The following BANK1 variants were observed in gnomAD, a reference collection of about 807,000 sequenced individuals.
BANK1 encodes the protein B cell scaffold protein with ankyrin repeats 1.
A neutral mutation model predicts 94.5 loss-of-function variants in BANK1; 95 were observed. That is an observed-to-expected ratio of 1.00 (90% CI 0.85 to 1.19). BANK1 has a LOEUF of 1.19. Among genes scored for constraint, BANK1 ranks in the 50% most tolerant of loss-of-function variants. The probability of loss-of-function intolerance (pLI) is 0.00; values close to 1 mark genes in which losing one functional copy is unlikely to be tolerated. For missense variants in BANK1, 987 were observed against 932.2 expected (o/e 1.06, Z -0.77); for synonymous variants, 334 against 308.4 (o/e 1.08, Z -0.87).
At chr4:101,859,099 C>T (rs1233767071) in intron 3 of BANK1, among the ~76,000 whole-genome samples, 1 of 152,142 alleles carries the variant, frequency 6.6e-6, no homozygotes, top group African/African-American at 2.4e-5. Flanking sequence ...CTTCTGATAC[C>T]AAATCACAAA....
intron 7 of BANK1, among the ~76,000 whole-genome samples, chr4:101,992,897 T>A (rs562747467): frequency 6.6e-6 from 1 of 152,292 alleles, no homozygotes; most frequent in East Asian, 1.9e-4. Context: ...ACCAACTATC[T>A]CTGTCGCCCA....
chr4:101,954,904 G>A lies in BANK1; in HGVS notation c.1206+36715G>A, dbSNP rs75812788. ...AGGAACATTTTCCAAATTTTTGTTC[G>A]TTTTTCTCAGAGAGCAAGGTATGGC... On this transcript the variant is annotated intron_variant, in intron 7 of 16. Transcript: ENST00000322953. Among the ~76,000 whole-genome samples the A allele has an allele frequency of 5.6e-3, 858 of 152,160 alleles. 14 individuals carry two copies. The East Asian group carries it at 0.057, about 10-fold the overall frequency.
chr4:101,961,859 T>C (rs955687559), intron 7 of BANK1, among the ~76,000 whole-genome samples: 1 of 152,148 alleles, frequency 6.6e-6, no homozygotes, highest in African/African-American at 2.4e-5. Flanking sequence ...GGGGAGCAAA[T>C]TACCCTGCTA....
intron 7 of BANK1, among the ~76,000 whole-genome samples, chr4:101,998,923 T>G (rs73834543): frequency 1.2e-4 from 18 of 152,170 alleles, no homozygotes; most frequent in Non-Finnish European, 2.5e-4. Flanking sequence ...AGTTTACTTT[T>G]GTATTTGGAT....
At chr4:101,966,524 A>G (rs919119323) in intron 7 of BANK1, among the ~76,000 whole-genome samples, 1 of 152,060 alleles carries the variant, frequency 6.6e-6, no homozygotes, top group African/African-American at 2.4e-5. Context: ...CTAAAAGGGT[A>G]AAGAGGAAAA....
At chr4:102,063,196 G>A in intron 13 of BANK1, 58 bp downstream of exon 13, 1 of 1,475,072 alleles carries the variant, frequency 6.8e-7, no homozygotes, top group Non-Finnish European at 9.5e-7. Flanking sequence ...GAAAATTCAA[G>A]GACTGTGGAG....
chr4:101,978,228 G>T (rs972489355), intron 7 of BANK1, among the ~76,000 whole-genome samples: 2 of 151,548 alleles, frequency 1.3e-5, no homozygotes, highest in African/African-American at 2.4e-5. Context: ...ATCAGAAAAT[G>T]ATGAACTTTA....
chr4:101,839,388 A>G (rs1726947381), intron 2 of BANK1, among the ~76,000 whole-genome samples: 1 of 152,216 alleles, frequency 6.6e-6, no homozygotes, highest in South Asian at 2.1e-4. Context: ...TGTGGAAATC[A>G]TCACAAGTGC....
chr4:102,006,956 G>T, intron 7 of BANK1, among the ~76,000 whole-genome samples: 2 of 146,694 alleles, frequency 1.4e-5, no homozygotes. Flanking sequence ...TCTGTGGCCT[G>T]TATTTATTTT....
At chr4:102,049,671 A>G (rs1727985591) in intron 11 of BANK1, among the ~76,000 whole-genome samples, 1 of 152,194 alleles carries the variant, frequency 6.6e-6, no homozygotes, top group Admixed American at 6.6e-5. Flanking sequence ...GGTGATGGTT[A>G]GGTAGTTGTT....
intron 2 of BANK1, among the ~76,000 whole-genome samples, chr4:101,850,467 G>A (rs1186928368): frequency 1.3e-5 from 2 of 151,010 alleles, no homozygotes; most frequent in Non-Finnish European, 2.9e-5. Flanking sequence ...TTTTTTGGTA[G>A]GGACGGGGTT....
chr4:101,860,975 T>G (rs1415917944), intron 3 of BANK1, among the ~76,000 whole-genome samples: 1 of 152,060 alleles, frequency 6.6e-6, no homozygotes, highest in Admixed American at 6.5e-5. Context: ...GGGGCAGATA[T>G]GAGAAACAAA....
intron 5 of BANK1, among the ~76,000 whole-genome samples, chr4:101,893,347 T>C (rs987851519): frequency 3.9e-5 from 6 of 151,992 alleles, no homozygotes; most frequent in African/African-American, 1.2e-4. Flanking sequence ...GCCTAACTTA[T>C]ACGTGAGTGT....
chr4:101,847,116 G>C (rs1727278211), intron 2 of BANK1, among the ~76,000 whole-genome samples: 1 of 151,804 alleles, frequency 6.6e-6, no homozygotes. Context: ...ATAGCACCTG[G>C]TACATAGTTG....
At chr4:101,924,106 T>C (rs890077575) in intron 7 of BANK1, among the ~76,000 whole-genome samples, 8 of 151,788 alleles carry the variant, frequency 5.3e-5, no homozygotes, top group African/African-American at 1.4e-4. Flanking sequence ...TAGATTCAAA[T>C]AGAAAAATCT....
chr4:101,991,893 T>C (rs981488062), intron 7 of BANK1, among the ~76,000 whole-genome samples: 2 of 152,202 alleles, frequency 1.3e-5, no homozygotes. Flanking sequence ...CTTTAAGGGA[T>C]ACACAGAGAG....
chr4:101,795,270 T>A (rs1725117067), intron 1 of BANK1, among the ~76,000 whole-genome samples: 1 of 152,174 alleles, frequency 6.6e-6, no homozygotes, highest in African/African-American at 2.4e-5. Flanking sequence ...TACTAGTTGA[T>A]AAGTAAGGGT....
chr4:101,921,128 G>A (rs1314171642), intron 7 of BANK1, among the ~76,000 whole-genome samples: 2 of 151,860 alleles, frequency 1.3e-5, no homozygotes, highest in African/African-American at 2.4e-5. Context: ...TTTTGATAAA[G>A]TTATGTAATT....
At chr4:101,851,379 T>C (rs1424543721) in intron 2 of BANK1, among the ~76,000 whole-genome samples, 1 of 152,184 alleles carries the variant, frequency 6.6e-6, no homozygotes, top group Non-Finnish European at 1.5e-5. Context: ...GGCGTGGATT[T>C]ATTTGATTAT....
Sources: gnomAD v4.1 joint callset for allele counts (sites outside exome capture counted in the v4.1 genomes callset) on GRCh38, gnomAD v4.1.1 for gene constraint, MANE v1.5 for transcripts, NCBI Gene and HGNC (gene_info 2026-07-23, HGNC 2026-07-21) for gene names.